METTL17: variants seen among roughly 807,000 people sequenced by gnomAD.
The protein encoded by METTL17 is methyltransferase like 17, also known as ribosome assembly protein METTL17, mitochondrial.
METTL17 carries 49 observed loss-of-function variants against 59.4 expected under a neutral mutation model. The ratio of observed to expected loss-of-function variants is 0.82; its 90% confidence interval spans 0.66 to 1.05. The LOEUF (loss-of-function observed/expected upper bound fraction) is 1.05. Among genes scored for constraint, METTL17 ranks in the 50% least tolerant of loss-of-function variants. METTL17 has a pLI of 0.00. For synonymous variants in METTL17, 208 were observed against 209.2 expected (o/e 0.99, Z 0.05); for missense variants, 555 against 578.4 (o/e 0.96, Z 0.41).
intron 5 of METTL17, 118 bp downstream of exon 5, chr14:20,992,740 A>G (rs1049137805): frequency 3.8e-6 from 3 of 779,664 alleles, no homozygotes; most frequent in Non-Finnish European, 4.4e-6. Context: ...TTTAAAGAGG[A>G]TCTCCGCTGG....
At position 20,990,396 on chromosome 14, in the gene METTL17, G is replaced by A. The variant is rs763632454; in HGVS notation, c.229+13G>A. 26 of 1,613,468 alleles carry A rather than the reference G, an allele frequency of 1.6e-5. No individual in the cohort carries two copies. The highest frequency in any genetic ancestry group is 3.4e-6 in the Non-Finnish European group (4 of 1,179,644). On this transcript the variant is annotated intron_variant, in intron 2 of 13. Transcript: ENST00000339374. ...TTATTGCTACTTGGTGAGTAACGGC[G>A]GGAAAGCGAGAAGAAACGGGACTGG...
rs190931895 is a variant in METTL17 at position 20,996,509 on chromosome 14, C to G, written c.1081-18C>G. 98 of 1,604,334 alleles carry G rather than the reference C, an allele frequency of 6.1e-5. No homozygotes were observed. The highest frequency in any genetic ancestry group is 2.6e-6 in the Non-Finnish European group (3 of 1,173,598). On this transcript the variant is annotated intron_variant, in intron 12 of 13. Coordinates refer to ENST00000339374, the MANE Select transcript of METTL17 (RefSeq NM_022734.3). ...CATATCTTTTTCTTCTAAACAGTCT[C>G]TATGTTCCTTATCTTAGAACAAGAA...
Position 20,990,250 on chromosome 14 carries a change from C to T in METTL17, c.96C>T (p.Pro32=), listed in dbSNP as rs770746925. 6.2e-7 allele frequency: 1 copy of T among 1,614,108 alleles called. No homozygotes were observed. Among genetic ancestry groups the T allele is most frequent in the African/African-American group, 1.3e-5 (1 of 74,940 alleles). The change falls in exon 2 of 14, where the codon CCC becomes CCT. Residue 32 remains proline (P), a synonymous_variant. Coordinates refer to ENST00000339374, the MANE Select transcript of METTL17 (RefSeq NM_022734.3). The part of the protein sequence containing the change: ...PQARALAALV[P]GVTQVDNKSG... Reference sequence around the variant, plus strand: ...TGCAGGCGCTCGCCGCCTTAGTACCCGGAGTGACCCAGGTAGATAACAAGT... The same window carrying T: ...TGCAGGCGCTCGCCGCCTTAGTACCTGGAGTGACCCAGGTAGATAACAAGT...
Position 20,996,560 on chromosome 14 carries a change from G to A in METTL17, c.1114G>A (p.Val372Met), listed in dbSNP as rs751575961. ...ACCAAAGGAAGAAAAGTTCTCTATGGTGATCCTTGCTCGGGGGTCTCCAGA... is the reference window on the plus strand; with the variant it reads ...ACCAAAGGAAGAAAAGTTCTCTATGATGATCCTTGCTCGGGGGTCTCCAGA... ...KKPKEEKFSMVILARGSPEEA... is the reference protein window; with the variant it reads ...KKPKEEKFSMMILARGSPEEA... Residue 372 changes from valine to methionine, a missense_variant, in exon 13 of 14, where the codon GTG becomes ATG. Val to Met is a conservative substitution (Grantham distance 21). Coordinates refer to ENST00000339374, the MANE Select transcript of METTL17 (RefSeq NM_022734.3). The A allele has an allele frequency of 2.5e-6, 4 of 1,613,908 alleles. No individual in the cohort carries two copies. The highest frequency in any genetic ancestry group is 2.5e-6 in the Non-Finnish European group (3 of 1,179,812).
Position 20,992,190 on chromosome 14 carries a change from A to G in METTL17, c.431A>G (p.His144Arg). 1 of 1,607,004 alleles carries G rather than the reference A, an allele frequency of 6.2e-7. No homozygotes were observed. Among genetic ancestry groups the G allele is most frequent in the Non-Finnish European group, 8.5e-7 (1 of 1,177,294 alleles). ...VLHALRKTTY[H>R]WQELSYTEGL... The stretch of plus-strand genomic sequence containing the variant: ...CACGCACTACGTAAAACTACCTACC[A>G]TTGGCAAGAACTGAGGTAAGGGGGC... Residue 144 changes from histidine (H) to arginine (R), a missense_variant, in exon 4 of 14, where the codon CAT (histidine) becomes CGT (arginine). Transcript: ENST00000339374.
chr14:20,994,847 G>C lies in METTL17; in HGVS notation c.822G>C (p.Lys274Asn), dbSNP rs1232042682. ...TTTCCTTAAGTGAACTGCCCAGCAA[G>C]GCTGACCGCACTGAGGTAGTTCAAA... ...SAFSLSELPSKADRTEVVQTL... is the reference protein window; with the variant it reads ...SAFSLSELPSNADRTEVVQTL... Residue 274 changes from lysine (K) to asparagine (N), a missense_variant, in exon 9 of 14, where the codon AAG (lysine) becomes AAC (asparagine). Physicochemically the swap from Lys to Asn is moderately conservative, Grantham distance 94. Transcript: ENST00000339374. The C allele has an allele frequency of 6.2e-7, 1 of 1,614,188 alleles. No homozygotes were observed.
chr14:20,991,484 G>T (rs1365676266), intron 3 of METTL17, among the ~76,000 whole-genome samples: 1 of 151,964 alleles, frequency 6.6e-6, no homozygotes, highest in Non-Finnish European at 1.5e-5. Flanking sequence ...TTAAATTTTG[G>T]AGAAGTGAAG....
intron 3 of METTL17, among the ~76,000 whole-genome samples, chr14:20,991,127 T>G (rs1880011313): frequency 6.6e-6 from 1 of 152,170 alleles, no homozygotes; most frequent in Admixed American, 6.5e-5. Flanking sequence ...CGCGCCTGGC[T>G]ACCAATATAC....
Position 20,993,973 on chromosome 14 carries a change from G to A in METTL17, c.607G>A (p.Ala203Thr), listed in dbSNP as rs762622161. Reference sequence around the variant, plus strand: ...ATAATAATTTTGCCATCTTAGGGCTGCTCACAGTATTTGGGGCCAGAGCCT... The same window carrying A: ...ATAATAATTTTGCCATCTTAGGGCTACTCACAGTATTTGGGGCCAGAGCCT... The part of the protein sequence containing the change: ...GSGTGSVTWA[A>T]HSIWGQSLRE... Residue 203 changes from alanine to threonine, a missense_variant, in exon 7 of 14, where the codon GCT (alanine) becomes ACT (threonine). Ala to Thr is a moderately conservative substitution (Grantham distance 58). Transcript: ENST00000339374. 1.2e-6 allele frequency: 2 copies of A among 1,612,838 alleles called. No homozygotes were observed. The highest frequency in any genetic ancestry group is 2.2e-5 in the East Asian group (1 of 44,824).
intron 5 of METTL17, chr14:20,992,838 G>A (rs753636492): frequency 1.6e-6 from 1 of 606,924 alleles, no homozygotes; most frequent in Non-Finnish European, 2.9e-6. Context: ...GCAGTGAGCT[G>A]TGATCTCCAC....
At chr14:20,995,998 C>A in intron 11 of METTL17, 47 bp downstream of exon 11, 1 of 1,596,010 alleles carries the variant, frequency 6.3e-7, no homozygotes, top group Non-Finnish European at 8.6e-7. Flanking sequence ...TGAACTTAGG[C>A]GTGGCCGGGA....
Position 20,996,304 on chromosome 14 carries a change from G to A in METTL17, c.1080+12G>A, listed in dbSNP as rs774835488. The A allele has an allele frequency of 1.2e-6, 2 of 1,610,796 alleles. No individual in the cohort carries two copies. Among genetic ancestry groups the A allele is most frequent in the East Asian group, 2.2e-5 (1 of 44,860 alleles). On this transcript the variant is annotated intron_variant, in intron 12 of 13. Transcript: ENST00000339374. ...TCCCCTTCAGCTGGGTAGGTACCTG[G>A]GGATATTGCAGCAGGAAGCAAACAT...
chr14:20,995,002 T>C, intron 9 of METTL17, 101 bp downstream of exon 9: 1 of 1,190,678 alleles, frequency 8.4e-7, no homozygotes. Flanking sequence ...TTTTTCTCCT[T>C]CATGGGTTTC....
chr14:20,991,536 A>T (rs199602212), intron 3 of METTL17, among the ~76,000 whole-genome samples: 2,381 of 150,286 alleles, frequency 0.016, 57 homozygotes, highest in African/African-American at 0.054. Flanking sequence ...TTTAAAAAAA[A>T]TTTTTTTTTT....
At position 20,996,252 on chromosome 14, in the gene METTL17, G is replaced by A. The variant is rs374364678; in HGVS notation, c.1040G>A (p.Cys347Tyr). Residue 347 changes from cysteine to tyrosine, a missense_variant, in exon 12 of 14, where the codon TGT becomes TAT. By Grantham distance (194) the Cys-to-Tyr change is radical. Transcript: ENST00000339374. ...TGTCCCCAGTTGACCAACCTGGCCT[G>A]TAGCTTCTCACAGGCGTACCATCCC... ...LPCPQLTNLA[C>Y]SFSQAYHPIP... 13 of 1,614,010 alleles carry A rather than the reference G, an allele frequency of 8.1e-6. No individual in the cohort carries two copies. The highest frequency in any genetic ancestry group is 9.3e-6 in the Non-Finnish European group (11 of 1,180,038).
Position 20,995,358 on chromosome 14 carries a change from A to G in METTL17, c.945+125A>G, listed in dbSNP as rs538653531. On this transcript the variant is annotated intron_variant, in intron 10 of 13. Transcript: ENST00000339374. ...CTCAGGAAACTGGGCGTATGAAGTC[A>G]TTATGATACAGAGCAGTGGTTGGCA... 274 of 819,256 alleles carry G rather than the reference A, an allele frequency of 3.3e-4. No homozygotes were observed. In the Middle Eastern group the frequency reaches 3.5e-3, roughly 10 times the overall value. 50.7% of individuals were successfully genotyped at this position (819,256 alleles called of 1,614,324 possible).
At chr14:20,994,422 A>G (rs1471434157) in intron 7 of METTL17, 121 bp from the exon 8 acceptor site, 4 of 857,936 alleles carry the variant, frequency 4.7e-6, no homozygotes, top group Non-Finnish European at 7.6e-6. Flanking sequence ...TACCTGGCTC[A>G]TCCCTGCCCT....
At chr14:20,994,689 A>G in intron 8 of METTL17, 76 bp downstream of exon 8, 2 of 1,536,218 alleles carry the variant, frequency 1.3e-6, no homozygotes, top group Non-Finnish European at 9.0e-7. Context: ...TTTGCAGCCC[A>G]GCACTGAGTG....
chr14:20,994,595 T>A lies in METTL17; in HGVS notation c.750T>A (p.Phe250Leu). 2 of 1,614,220 alleles carry A rather than the reference T, an allele frequency of 1.2e-6. No homozygotes were observed. Among genetic ancestry groups the A allele is most frequent in the Non-Finnish European group, 1.7e-6 (2 of 1,179,988 alleles). ...TTCCAGGTGTCTTTTTCAGACAGTTTCTACCTGTATCACCCAAGGCAAGTG... is the reference window on the plus strand; with the variant it reads ...TTCCAGGTGTCTTTTTCAGACAGTTACTACCTGTATCACCCAAGGCAAGTG... Reference protein sequence around the residue: ...PYIPGVFFRQFLPVSPKVQFD... With the variant: ...PYIPGVFFRQLLPVSPKVQFD... The change falls in exon 8 of 14, where the codon TTT becomes TTA. Residue 250 changes from phenylalanine to leucine, a missense_variant. Coordinates refer to ENST00000339374, the MANE Select transcript of METTL17 (RefSeq NM_022734.3).
Sources: allele counts gnomAD v4.1 joint callset (sites outside exome capture counted in the v4.1 genomes callset), GRCh38; gene constraint gnomAD v4.1.1; transcripts MANE v1.5; gene names NCBI Gene and HGNC (gene_info 2026-07-23, HGNC 2026-07-21).